The following INO80 variants were observed in gnomAD, a reference collection of about 807,000 sequenced individuals.
The protein encoded by INO80 is chromatin-remodeling ATPase INO80.
Under a neutral mutation model 203.4 loss-of-function variants are expected in INO80, and 20 were observed. The observed-to-expected ratio is 0.10, with a 90% CI of 0.07 to 0.14. INO80 has a LOEUF of 0.14. Ranked by LOEUF, INO80 falls within the 10% of genes least tolerant of loss-of-function variation. INO80 has a pLI of 1.00. For missense variants in INO80, 1,419 were observed against 1,914.4 expected (o/e 0.74, Z 4.83); for synonymous variants, 726 against 685.2 (o/e 1.06, Z -0.93).
Position 40,986,638 on chromosome 15 carries a change from T to A in INO80, c.3832+453A>T, listed in dbSNP as rs1030695416. 3.3e-5 allele frequency among the ~76,000 whole-genome samples: 5 copies of A among 151,758 alleles called. 1 individual carries two copies. The South Asian group carries it at 1.0e-3, about 32-fold the overall frequency. ...CTTGTGTTTTTTGTTTTTGTTTGTT[T>A]TTAAAAGATGGAGTTTCACTCTTAT... On this transcript the variant is annotated intron_variant, in intron 31 of 35. Transcript: ENST00000648947.
chr15:40,982,891 T>A lies in INO80; in HGVS notation c.4424A>T (p.Tyr1475Phe). Residue 1475 changes from tyrosine to phenylalanine, a missense_variant, in exon 35 of 36, where the codon TAT becomes TTT. Tyr to Phe is a conservative substitution (Grantham distance 22, BLOSUM62 3). Transcript: ENST00000648947. ...AGAAAASAAA[Y>F]AAYGYNVSKG... ...AGACACGTTGTACCCGTATGCGGCA[T>A]AGGCAGCTGCAGAGGCCGCTGCAGC... 1 of 1,613,738 alleles carries A rather than the reference T, an allele frequency of 6.2e-7. No homozygotes were observed. Among genetic ancestry groups the A allele is most frequent in the Non-Finnish European group, 8.5e-7 (1 of 1,180,012 alleles).
intron 29 of INO80, 129 bp from the exon 30 acceptor site, chr15:40,988,103 T>C: frequency 3.0e-6 from 2 of 663,098 alleles, no homozygotes; most frequent in Middle Eastern, 3.7e-4. Context: ...GATATTGAGC[T>C]AAGTAAGATA....
intron 25 of INO80, among the ~76,000 whole-genome samples, chr15:41,021,728 G>T (rs1048531973): frequency 6.6e-6 from 1 of 152,214 alleles, no homozygotes; most frequent in African/African-American, 2.4e-5. Flanking sequence ...GGAGGGTAGG[G>T]AAGCAATTGC....
chr15:41,046,415 C>T (rs1398517081), intron 23 of INO80, among the ~76,000 whole-genome samples: 4 of 149,954 alleles, frequency 2.7e-5, no homozygotes, highest in Non-Finnish European at 4.4e-5. Context: ...TTATTACAGA[C>T]GGGGTTTCAG....
chr15:41,083,186 G>A (rs953881175), intron 7 of INO80, among the ~76,000 whole-genome samples: 1 of 149,766 alleles, frequency 6.7e-6, no homozygotes, highest in Non-Finnish European at 1.5e-5. Flanking sequence ...TCCGGAGGCT[G>A]AAGGAGGAGA....
chr15:40,990,385 G>C (rs370729459), intron 29 of INO80, among the ~76,000 whole-genome samples: 121 of 152,208 alleles, frequency 7.9e-4, no homozygotes, highest in African/African-American at 2.8e-3. Flanking sequence ...TTCTGAGACA[G>C]GGTCTTGCTC....
rs142221546 is a variant in INO80, at chr15:41,086,254, A to G, written c.659-671T>C. Among the ~76,000 whole-genome samples the G allele has an allele frequency of 4.4e-4, 67 of 152,316 alleles. No individual in the cohort carries two copies. In the East Asian group the frequency reaches 0.012, roughly 27 times the overall value. ...CTTGCAAGACAAAAATACATGAAAC[A>G]AAACCTTAATTCAGGTTGGAGAAAG... On this transcript the variant is annotated intron_variant, in intron 6 of 35. Transcript: ENST00000648947.
At chr15:41,084,789 G>C (rs184461315) in intron 7 of INO80, among the ~76,000 whole-genome samples, 1 of 152,292 alleles carries the variant, frequency 6.6e-6, no homozygotes, top group Admixed American at 6.5e-5. Context: ...ACACAAGCTA[G>C]AGTGCAGTGG....
intron 1 of INO80, among the ~76,000 whole-genome samples, chr15:41,111,091 C>T (rs1437546729): frequency 6.6e-6 from 1 of 152,166 alleles, no homozygotes; most frequent in Non-Finnish European, 1.5e-5. Flanking sequence ...CTTTTACTTA[C>T]TGAAAAGCAC....
chr15:41,087,004 G>C (rs1294789461), intron 6 of INO80, among the ~76,000 whole-genome samples: 1 of 152,024 alleles, frequency 6.6e-6, no homozygotes, highest in East Asian at 1.9e-4. Flanking sequence ...CTTTAGCTAG[G>C]AATCTGTCTT....
At chr15:41,106,854 T>C (rs1045933692) in intron 1 of INO80, among the ~76,000 whole-genome samples, 4 of 152,222 alleles carry the variant, frequency 2.6e-5, no homozygotes, top group African/African-American at 9.6e-5. Flanking sequence ...CTCGCTTATC[T>C]GTAAATTCCA....
chr15:41,099,717 G>A (rs1338694567), intron 1 of INO80, among the ~76,000 whole-genome samples: 1 of 151,336 alleles, frequency 6.6e-6, no homozygotes, highest in Non-Finnish European at 1.5e-5. Context: ...AGGAGGTTGA[G>A]ACCTCAGTAA....
chr15:41,081,011 C>T lies in INO80; in HGVS notation c.927+9G>A, dbSNP rs752503667. ...ACATGAAATGGAAAATACAAAACTA[C>T]AATTTTACCTTTCGGCTATTGGTGA... On this transcript the variant is annotated intron_variant, in intron 8 of 35. Transcript: ENST00000648947. 2 of 1,574,828 alleles carry T rather than the reference C, an allele frequency of 1.3e-6. No homozygotes were observed. The highest frequency in any genetic ancestry group is 1.4e-5 in the African/African-American group (1 of 74,020).
intron 1 of INO80, among the ~76,000 whole-genome samples, chr15:41,109,608 C>G (rs1353586457): frequency 6.6e-6 from 1 of 151,324 alleles, no homozygotes; most frequent in Non-Finnish European, 1.5e-5. Flanking sequence ...ATCAGCCTGG[C>G]TAACATGGTG....
chr15:41,050,848 A>C (rs879213263), intron 19 of INO80, among the ~76,000 whole-genome samples: 1 of 152,162 alleles, frequency 6.6e-6, no homozygotes, highest in Non-Finnish European at 1.5e-5. Flanking sequence ...GCCTCCAATA[A>C]TCAGGCCGGA....
chr15:40,987,708 C>T, intron 30 of INO80, 108 bp downstream of exon 30: 2 of 1,090,404 alleles, frequency 1.8e-6, no homozygotes, highest in Non-Finnish European at 2.6e-6. Flanking sequence ...GTAGTTTCGT[C>T]AGGACCAATG....
intron 4 of INO80, among the ~76,000 whole-genome samples, chr15:41,093,243 G>A (rs929174597): frequency 2.0e-5 from 3 of 151,848 alleles, no homozygotes; most frequent in African/African-American, 7.2e-5. Context: ...TGGCTAACAT[G>A]GTGAAACCCT....
chr15:41,022,020 C>G (rs1051342793), intron 25 of INO80, among the ~76,000 whole-genome samples: 5 of 152,222 alleles, frequency 3.3e-5, no homozygotes, highest in Admixed American at 1.3e-4. Flanking sequence ...CTGTCAAGCC[C>G]ACGCTGACAA....
chr15:40,996,211 T>A (rs1484161556), intron 29 of INO80, among the ~76,000 whole-genome samples: 1 of 152,248 alleles, frequency 6.6e-6, no homozygotes, highest in Non-Finnish European at 1.5e-5. Context: ...GTGCCATTTT[T>A]AGAGTCATGC....
Sources: gnomAD v4.1 joint callset for allele counts (sites outside exome capture counted in the v4.1 genomes callset) on GRCh38, gnomAD v4.1.1 for gene constraint, MANE v1.5 for transcripts, NCBI Gene and HGNC (gene_info 2026-07-23, HGNC 2026-07-21) for gene names.